IGSF9B: variants seen among roughly 807,000 people sequenced by gnomAD.
IGSF9B encodes the protein protein turtle homolog B.
IGSF9B carries 48 observed loss-of-function variants against 143.7 expected under a neutral mutation model. The observed-to-expected ratio is 0.33, with a 90% CI of 0.26 to 0.42. The LOEUF (loss-of-function observed/expected upper bound fraction) is 0.42, where lower values mean the gene tolerates loss of function less well. IGSF9B is among the 20% of genes least tolerant of loss of function. The pLI is 1.00. For synonymous variants in IGSF9B, 903 were observed against 833.1 expected, an observed-to-expected ratio of 1.08 and a Z score of -1.44; for missense variants, 1,706 against 1,980.0, an observed-to-expected ratio of 0.86 and a Z score of 2.63.
At chr11:133,950,145 C>T (rs998254444) in intron 1 of IGSF9B, among the ~76,000 whole-genome samples, 1 of 152,224 alleles carries the variant, frequency 6.6e-6, no homozygotes, top group Non-Finnish European at 1.5e-5. Flanking sequence ...TGTGCAGAAC[C>T]ATGAGGCATC....
chr11:133,898,319 A>G lies in IGSF9B; in HGVS notation c.*10750T>C, dbSNP rs994202248. On this transcript the variant is annotated 3_prime_UTR_variant, in exon 20 of 20. Transcript: ENST00000533871. ...GCGCACCGAGAGGTACAGAGTTTGT[A>G]AGGGGTCTGGGGGAGGTAGCCCCTC... The G allele has an allele frequency of 6.6e-6, 1 of 152,286 alleles. No homozygotes were observed. The highest frequency in any genetic ancestry group is 2.4e-5 in the African/African-American group (1 of 41,424). The allele number at this position is 152,286 out of a possible 1,614,324, so 9.4% of individuals were successfully genotyped here.
chr11:133,909,012 G>T lies in IGSF9B; in HGVS notation c.*57C>A. ...GAGGAGGACACACCCCCACACAGTG[G>T]CCCTCCCTGCCTGAGCCCAGCAACC... On this transcript the variant is annotated 3_prime_UTR_variant, in exon 20 of 20. Transcript: ENST00000533871. This position sits in a 1 kb window ranked among gnomAD's most constrained non-coding sequence, Gnocchi z 4.2. The T allele has an allele frequency of 2.1e-6, 3 of 1,421,254 alleles. No homozygotes were observed. The highest frequency in any genetic ancestry group is 2.0e-5 in the Admixed American group (1 of 50,566). 88.0% of individuals were successfully genotyped at this position (1,421,254 alleles called of 1,614,324 possible). A position where few individuals can be genotyped will look rare whatever the true frequency, so the allele number is the denominator to read the frequency against.
In IGSF9B at chr11:133,929,666, C is replaced by T. The variant is rs766513389; in HGVS notation, c.1631+5G>A. 2 of 1,596,556 alleles carry T rather than the reference C, an allele frequency of 1.3e-6. No individual in the cohort carries two copies. Among genetic ancestry groups the T allele is most frequent in the Admixed American group, 1.7e-5 (1 of 59,996 alleles). ...CATGCCGGGGTGACTCACAGAGGTC[C>T]GTACCAAACTGAGAATGTCTGCTCG... On this transcript the variant is annotated splice_donor_5th_base_variant and intron_variant, in intron 12 of 19. Coordinates refer to ENST00000533871, the MANE Select transcript of IGSF9B (RefSeq NM_001277285.4).
At chr11:133,947,123 C>G (rs767275603) in intron 1 of IGSF9B, among the ~76,000 whole-genome samples, 2 of 152,076 alleles carry the variant, frequency 1.3e-5, no homozygotes, top group Admixed American at 6.5e-5. Flanking sequence ...GCGAGCAAGG[C>G]AGCAGGCGGG....
rs1939516557 is a variant in IGSF9B, at chr11:133,920,821, C to G, written c.2904G>C (p.Gly968=). 1 of 1,603,392 alleles carries G rather than the reference C, an allele frequency of 6.2e-7. No individual in the cohort carries two copies. Among genetic ancestry groups the G allele is most frequent in the Admixed American group, 1.7e-5 (1 of 59,230 alleles). Reference sequence around the variant, plus strand: ...CCCCAGGGCTGCTGCTGCTGAGGTACCCATAATACTGGCCATGGTGGAAGG... The same window carrying G: ...CCCCAGGGCTGCTGCTGCTGAGGTAGCCATAATACTGGCCATGGTGGAAGG... ...PRPFHHGQYY[G]YLSSSSPGEV... Residue 968 remains glycine, a synonymous_variant, in exon 18 of 20, where the codon GGG becomes GGC. Coordinates refer to ENST00000533871, the MANE Select transcript of IGSF9B (RefSeq NM_001277285.4).
intron 1 of IGSF9B, among the ~76,000 whole-genome samples, chr11:133,954,348 C>A (rs549728343): frequency 6.6e-6 from 1 of 152,264 alleles, no homozygotes; most frequent in South Asian, 2.1e-4. Flanking sequence ...ACACGTGTCC[C>A]TGGGATGCCA....
In IGSF9B at chr11:133,900,506, C is replaced by G. The variant is rs1006834061; in HGVS notation, c.*8563G>C. The G allele has an allele frequency of 2.0e-5, 3 of 152,652 alleles. No individual in the cohort carries two copies. Among genetic ancestry groups the G allele is most frequent in the African/African-American group, 4.8e-5 (2 of 41,438 alleles). 9.5% of individuals were successfully genotyped at this position (152,652 alleles called of 1,614,324 possible). On this transcript the variant is annotated 3_prime_UTR_variant, in exon 20 of 20. Transcript: ENST00000533871. ...TTCCTGCTCAGATACAAGTGAACTCCTGCTCCCCAGAATCTCCCATTGTGG... is the reference window on the plus strand; with the variant it reads ...TTCCTGCTCAGATACAAGTGAACTCGTGCTCCCCAGAATCTCCCATTGTGG...
At position 133,936,106 on chromosome 11, in the gene IGSF9B, C is replaced by T. The variant is rs114187655; in HGVS notation, c.768G>A (p.Pro256=). Residue 256 remains proline, a synonymous_variant, in exon 6 of 20, where the codon CCG becomes CCA. Transcript: ENST00000533871. ...ALLTCRAEAY[P]GNLTYTWYWQ... is the part of the protein sequence containing the mutation. ...AGTACCAGGTGTAGGTGAGGTTGCC[C>T]GGATACGCCTCTGCCCGGCAGGTGA... 5.0e-4 allele frequency: 809 copies of T among 1,613,564 alleles called. 3 individuals carry two copies. In the African/African-American group the frequency reaches 8.3e-3, roughly 17 times the overall value.
intron 19 of IGSF9B, among the ~76,000 whole-genome samples, chr11:133,911,330 C>T (rs1939297972): frequency 6.6e-6 from 1 of 152,232 alleles, no homozygotes; most frequent in Non-Finnish European, 1.5e-5. Context: ...CACTCCATCT[C>T]ACTGAGAAGG....
chr11:133,920,405 G>A lies in IGSF9B; in HGVS notation c.3320C>T (p.Ser1107Leu), dbSNP rs755766026. The A allele has an allele frequency of 3.1e-6, 5 of 1,593,948 alleles. No individual in the cohort carries two copies. Among genetic ancestry groups the A allele is most frequent in the South Asian group, 1.1e-5 (1 of 88,882 alleles). ...CGCTGGGACAGGGCCCCTGCCGGGCGACTTGCCTGCCCAACCCTTCGGTGC... is the reference window on the plus strand; with the variant it reads ...CGCTGGGACAGGGCCCCTGCCGGGCAACTTGCCTGCCCAACCCTTCGGTGC... Reference protein sequence around the residue: ...LEAPKGWAGKSPGRGPVPAPP... With the variant: ...LEAPKGWAGKLPGRGPVPAPP... The change falls in exon 18 of 20, where the codon TCG becomes TTG. Residue 1107 changes from serine (S) to leucine (L), a missense_variant. Ser to Leu is a moderately radical substitution (Grantham distance 145). Coordinates refer to ENST00000533871, the MANE Select transcript of IGSF9B (RefSeq NM_001277285.4).
rs116728813 is a variant in IGSF9B, at chr11:133,945,175, C to T, written c.263-809G>A. Among the ~76,000 whole-genome samples, 280 of 152,324 alleles carry T rather than the reference C, an allele frequency of 1.8e-3. 2 individuals are homozygous for T. The highest frequency in any genetic ancestry group is 6.7e-3 in the African/African-American group (279 of 41,576). ...GGAGCAGCCCTCGAGGTCGGCCCAC[C>T]TCACCCGCTCTTAGCTCACCCCTCA... On this transcript the variant is annotated intron_variant, in intron 2 of 19. Transcript: ENST00000533871. This position sits in a 1 kb window ranked among gnomAD's most constrained non-coding sequence, Gnocchi z 4.6.
rs1939070988 is a variant in IGSF9B at position 133,898,989 on chromosome 11, G to C, written c.*10080C>G. 1 of 152,348 alleles carries C rather than the reference G, an allele frequency of 6.6e-6. No individual in the cohort carries two copies. The highest frequency in any genetic ancestry group is 1.5e-5 in the Non-Finnish European group (1 of 68,128). The allele number at this position is 152,348 out of a possible 1,614,324, so 9.4% of individuals were successfully genotyped here. On this transcript the variant is annotated 3_prime_UTR_variant, in exon 20 of 20. Coordinates refer to ENST00000533871, the MANE Select transcript of IGSF9B (RefSeq NM_001277285.4). ...TTCCCCAAGCTGCTGGTTGGTGACA[G>C]TGGGGAAGAGGGACAGGGCCCACAC...
In IGSF9B at chr11:133,932,091, G is replaced by T; in HGVS notation, c.1090C>A (p.Arg364Ser). ...AGCACCTTCTCAACCTGCAGGGGAC[G>T]GCCGTCCTTGTTCCACTTGACCACG... is the stretch of plus-strand genomic sequence containing the variant. ...ATVVKWNKDGRPLQVEKNLGW... is the reference protein window; with the variant it reads ...ATVVKWNKDGSPLQVEKNLGW... The change falls in exon 8 of 20, where the codon CGT (arginine) becomes AGT (serine). Residue 364 changes from arginine to serine, a missense_variant. Transcript: ENST00000533871. 6.2e-7 allele frequency: 1 copy of T among 1,613,652 alleles called. No individual in the cohort carries two copies.
rs192591536 is a variant in IGSF9B at position 133,931,883 on chromosome 11, C to G, written c.1111-88G>C. 2,409 of 1,562,328 alleles carry G rather than the reference C, an allele frequency of 1.5e-3. 4 individuals are homozygous for G. The highest frequency in any genetic ancestry group is 1.9e-3 in the Non-Finnish European group (2,215 of 1,155,460). On this transcript the variant is annotated intron_variant, in intron 8 of 19. Coordinates refer to ENST00000533871, the MANE Select transcript of IGSF9B (RefSeq NM_001277285.4). The surrounding 1 kb of genome is among the most constrained non-coding windows in gnomAD (Gnocchi z 7.7). Reference sequence around the variant, plus strand: ...TGGGTCCCAGCTGGGCCAGGCAGCACGCAGGATAGTACAGGAGCTCCAGCC... The same window carrying G: ...TGGGTCCCAGCTGGGCCAGGCAGCAGGCAGGATAGTACAGGAGCTCCAGCC...
rs1939210733 is a variant in IGSF9B at position 133,906,367 on chromosome 11, T to C, written c.*2702A>G. 6.6e-6 allele frequency among the ~76,000 whole-genome samples: 1 copy of C among 152,146 alleles called. No individual in the cohort carries two copies. Among genetic ancestry groups the C allele is most frequent in the African/African-American group, 2.4e-5 (1 of 41,392 alleles). ...ACGGGCTGCAGGAGGGCTGCTGGCC[T>C]CCGAGGACACTGTCACAGGAGGAAG... is the stretch of plus-strand genomic sequence containing the variant. On this transcript the variant is annotated 3_prime_UTR_variant, in exon 20 of 20. Coordinates refer to ENST00000533871, the MANE Select transcript of IGSF9B (RefSeq NM_001277285.4).
intron 3 of IGSF9B, 66 bp from the exon 4 acceptor site, chr11:133,938,027 A>G: frequency 6.5e-7 from 1 of 1,530,432 alleles, no homozygotes; most frequent in African/African-American, 1.4e-5. Context: ...CAACAACAGT[A>G]CCTGCCCCAC....
intron 3 of IGSF9B, among the ~76,000 whole-genome samples, chr11:133,938,611 C>CACAG (rs1268936712): frequency 3.3e-5 from 5 of 152,170 alleles, no homozygotes; most frequent in African/African-American, 1.2e-4. Flanking sequence ...ATCGGCTTTT[C>CACAG]ACAGACTCAG....
intron 7 of IGSF9B, 60 bp from the exon 8 acceptor site, chr11:133,932,273 ACACAGGGACAGACAGACAG>A: frequency 6.7e-7 from 1 of 1,500,512 alleles, no homozygotes; most frequent in African/African-American, 1.4e-5. Flanking sequence ...AGACAGACAG[ACACAGGGACAGACAGACAG>A]ACACAGGGAC....
Position 133,913,924 on chromosome 11 carries a change from C to T in IGSF9B, c.3984-1917G>A, listed in dbSNP as rs1164854918. Among the ~76,000 whole-genome samples, 2 of 152,166 alleles carry T rather than the reference C, an allele frequency of 1.3e-5. No individual in the cohort carries two copies. The highest frequency in any genetic ancestry group is 2.4e-5 in the African/African-American group (1 of 41,448). On this transcript the variant is annotated intron_variant, in intron 18 of 19. Coordinates refer to ENST00000533871, the MANE Select transcript of IGSF9B (RefSeq NM_001277285.4). The surrounding 1 kb of genome is among the most constrained non-coding windows in gnomAD (Gnocchi z 4.6). The stretch of plus-strand genomic sequence containing the variant: ...CTTCAGGAGGACCACACAGGGTGAG[C>T]GACGTGTGGTCAGGGAGGCGCATGA...
Sources: gnomAD v4.1 joint callset for allele counts (sites outside exome capture counted in the v4.1 genomes callset) on GRCh38, gnomAD v4.1.1 for gene constraint, Gnocchi (gnomAD v3.1) non-coding constraint, MANE v1.5 for transcripts, NCBI Gene and HGNC (gene_info 2026-07-23, HGNC 2026-07-21) for gene names.